KSR1: variants seen among roughly 807,000 people sequenced by gnomAD.
KSR1 encodes the protein kinase suppressor of ras.
KSR1 carries 35 observed loss-of-function variants against 92.9 expected under a neutral mutation model. The ratio of observed to expected loss-of-function variants is 0.38; its 90% CI spans 0.29 to 0.50. The LOEUF (loss-of-function observed/expected upper bound fraction) is 0.50, where lower values mean the gene tolerates loss of function less well. KSR1 is among the 20% of genes least tolerant of loss of function. The probability of loss-of-function intolerance (pLI) is 0.94; values close to 1 mark genes in which losing one functional copy is unlikely to be tolerated. For missense variants in KSR1, 972 were observed against 1,158.5 expected (o/e 0.84, Z 2.34); for synonymous variants, 467 against 472.6 (o/e 0.99, Z 0.15).
At chr17:27,546,418 A>G (rs910147201) in intron 1 of KSR1, among the ~76,000 whole-genome samples, 3 of 152,168 alleles carry the variant, frequency 2.0e-5, no homozygotes, top group Non-Finnish European at 2.9e-5. Flanking sequence ...GCAGCCTAGT[A>G]TATGGTGGAT....
chr17:27,495,953 A>G (rs1400290039), intron 1 of KSR1, among the ~76,000 whole-genome samples: 7 of 152,200 alleles, frequency 4.6e-5, no homozygotes, highest in Admixed American at 4.6e-4. Flanking sequence ...ACGAGATGGT[A>G]CTGCGCATAA....
chr17:27,540,660 T>G (rs192852562), intron 1 of KSR1, among the ~76,000 whole-genome samples: 5 of 152,206 alleles, frequency 3.3e-5, no homozygotes, highest in African/African-American at 9.6e-5. Flanking sequence ...TCTCCTCTCC[T>G]TGCCCCACTT....
chr17:27,534,543 G>A (rs560695713), intron 1 of KSR1, among the ~76,000 whole-genome samples: 60 of 152,202 alleles, frequency 3.9e-4, no homozygotes, highest in Non-Finnish European at 2.5e-4. Context: ...GTCAGTGGCC[G>A]AGCTGGGATT....
intron 2 of KSR1, among the ~76,000 whole-genome samples, chr17:27,554,474 C>T (rs906097097): frequency 5.9e-5 from 9 of 152,214 alleles, no homozygotes; most frequent in African/African-American, 2.2e-4. Flanking sequence ...AGATCAGCAG[C>T]AGCATTAGAT....
chr17:27,528,109 A>C (rs948021393), intron 1 of KSR1, among the ~76,000 whole-genome samples: 52 of 152,176 alleles, frequency 3.4e-4, no homozygotes, highest in Admixed American at 1.8e-3. Context: ...TCTGTTGCCG[A>C]GGCTGGAGTG....
rs1340464040 is a variant in KSR1, at chr17:27,459,443, A to T, written c.231+2569A>T. 6.6e-6 allele frequency among the ~76,000 whole-genome samples: 1 copy of T among 152,230 alleles called. No homozygotes were observed. On this transcript the variant is annotated intron_variant, in intron 1 of 20. Coordinates refer to ENST00000644974, the MANE Select transcript of KSR1 (RefSeq NM_001394583.1). The surrounding 1 kb of genome is among the most constrained non-coding windows in gnomAD (Gnocchi z 4.6). ...TCTGCAGCTGCCTCTCATTTCATACAGGTGGGTGACACAAGCCAGGAAACA... is the reference window on the plus strand; with the variant it reads ...TCTGCAGCTGCCTCTCATTTCATACTGGTGGGTGACACAAGCCAGGAAACA...
intron 1 of KSR1, among the ~76,000 whole-genome samples, chr17:27,537,866 C>A (rs535560005): frequency 3.3e-5 from 5 of 152,218 alleles, no homozygotes; most frequent in African/African-American, 1.2e-4. Context: ...CAACGTGCAT[C>A]AAAAACCTAA....
At chr17:27,556,844 A>T (rs1236359497) in intron 2 of KSR1, among the ~76,000 whole-genome samples, 1 of 152,152 alleles carries the variant, frequency 6.6e-6, no homozygotes, top group African/African-American at 2.4e-5. Context: ...GGCCTCTGCT[A>T]TGTCCAGACT....
At chr17:27,593,729 G>A (rs2073247212) in intron 9 of KSR1, among the ~76,000 whole-genome samples, 1 of 152,238 alleles carries the variant, frequency 6.6e-6, no homozygotes, top group South Asian at 2.1e-4. Context: ...AAAGATGATA[G>A]GGTCCTGTCT....
chr17:27,585,586 G>GGTA (rs2072935310), intron 4 of KSR1, 71 bp from the exon 5 acceptor site: 1 of 727,670 alleles, frequency 1.4e-6, no homozygotes, highest in African/African-American at 1.7e-5. Flanking sequence ...CCCGCCCAAG[G>GGTA]GTAGTGTTCT....
intron 20 of KSR1, 41 bp from the exon 21 acceptor site, chr17:27,623,273 A>G (rs1274596641): frequency 4.0e-6 from 3 of 750,472 alleles, no homozygotes; most frequent in Middle Eastern, 2.3e-4. Context: ...TCTGATGAAG[A>G]TCAATGGGGC....
chr17:27,558,703 GTT>G lies in KSR1; in HGVS notation c.372+8008_372+8009del, dbSNP rs71840627. On this transcript the variant is annotated intron_variant, in intron 2 of 20. Coordinates refer to ENST00000644974, the MANE Select transcript of KSR1 (RefSeq NM_001394583.1). ...TTGTCTGTCTGTCTTTCTGTTTTTT[GTT>G]TTTTTTTTTTTTCTTTGGAAGGGAA... 4.7e-3 allele frequency among the ~76,000 whole-genome samples: 679 copies of G among 143,272 alleles called. 8 individuals are homozygous for G. The highest frequency in any genetic ancestry group is 0.015 in the African/African-American group (581 of 39,090). 94.0% of individuals were successfully genotyped at this position (143,272 alleles called of 152,430 possible). A position where few individuals can be genotyped will look rare whatever the true frequency, so the allele number is the denominator to read the frequency against.
intron 1 of KSR1, among the ~76,000 whole-genome samples, chr17:27,546,566 A>G (rs918592604): frequency 6.6e-6 from 1 of 152,172 alleles, no homozygotes; most frequent in African/African-American, 2.4e-5. Context: ...CACACCAGGA[A>G]GGGGAGAGGC....
At chr17:27,469,993 AGTGTGTGTGTGTGT>A (rs145390989) in intron 1 of KSR1, among the ~76,000 whole-genome samples, 27 of 139,568 alleles carry the variant, frequency 1.9e-4, no homozygotes, top group African/African-American at 2.5e-4. Context: ...ATGGAGATGG[AGTGTGTGTGTGTGT>A]GTGTGTGTGT....
intron 2 of KSR1, chr17:27,558,078 A>G (rs960888828): frequency 2.0e-5 from 3 of 152,516 alleles, no homozygotes; most frequent in African/African-American, 7.2e-5. Context: ...ATCCATTGTT[A>G]CTGAGAGATG....
At chr17:27,578,531 A>T (rs1361269037) in intron 3 of KSR1, 1 of 152,218 alleles carries the variant, frequency 6.6e-6, no homozygotes, top group Non-Finnish European at 1.5e-5. Context: ...TTGTTCTCAC[A>T]TATTACAGGA....
At chr17:27,570,285 G>T (rs2072254731) in intron 2 of KSR1, among the ~76,000 whole-genome samples, 1 of 152,200 alleles carries the variant, frequency 6.6e-6, no homozygotes, top group Non-Finnish European at 1.5e-5. Context: ...CTGGCTGGTG[G>T]TGGGTTGAGA....
chr17:27,466,018 G>A (rs1449902047), intron 1 of KSR1, among the ~76,000 whole-genome samples: 1 of 152,240 alleles, frequency 6.6e-6, no homozygotes, highest in Non-Finnish European at 1.5e-5. Flanking sequence ...AGAAAGTTGT[G>A]CTGCATCAGC....
intron 1 of KSR1, among the ~76,000 whole-genome samples, chr17:27,466,630 C>CA (rs1412132353): frequency 6.6e-5 from 10 of 152,314 alleles, no homozygotes; most frequent in Middle Eastern, 3.4e-3. Context: ...GCTTGGGCTG[C>CA]AGGGGGTTTG....
Sources: allele counts gnomAD v4.1 joint callset (sites outside exome capture counted in the v4.1 genomes callset), GRCh38; gene constraint gnomAD v4.1.1; non-coding constraint Gnocchi (gnomAD v3.1); transcripts MANE v1.5; gene names NCBI Gene and HGNC (gene_info 2026-07-23, HGNC 2026-07-21).